The following ULK4 variants were observed in gnomAD, a reference collection of about 807,000 sequenced individuals.
ULK4 encodes the protein inactive serine/threonine-protein kinase ULK4.
In ULK4, 133 loss-of-function variants were observed where a neutral mutation model predicts 160.6. That is an observed-to-expected ratio of 0.83 (90% confidence interval 0.72 to 0.96). ULK4 has a LOEUF of 0.96. Ranked by LOEUF, ULK4 falls within the 40% of genes least tolerant of loss-of-function variation. The pLI is 0.00. For missense variants in ULK4, 1,580 were observed against 1,499.5 expected, an observed-to-expected ratio of 1.05 and a Z score of -0.89; for synonymous variants, 534 against 539.8, an observed-to-expected ratio of 0.99 and a Z score of 0.15.
chr3:41,686,851 A>T (rs954592705), intron 27 of ULK4, among the ~76,000 whole-genome samples: 11 of 152,188 alleles, frequency 7.2e-5, no homozygotes, highest in Admixed American at 5.2e-4. Flanking sequence ...TTTTTAAAAA[A>T]ATATTTTTAT....
In ULK4 at chr3:41,944,406, C is replaced by T. The variant is rs114745883; in HGVS notation, c.139-6209G>A. Among the ~76,000 whole-genome samples the T allele has an allele frequency of 6.8e-3, 1,030 of 152,244 alleles. 9 individuals are homozygous for T. Among genetic ancestry groups the T allele is most frequent in the African/African-American group, 0.024 (994 of 41,536 alleles). The stretch of plus-strand genomic sequence containing the variant: ...AGTGAGCTGAAATCATGCCACTGTA[C>T]TCCAGTCTGGGCTACAGAGTGAGAT... On this transcript the variant is annotated intron_variant, in intron 2 of 36. Coordinates refer to ENST00000301831, the MANE Select transcript of ULK4 (RefSeq NM_017886.4).
intron 31 of ULK4, among the ~76,000 whole-genome samples, chr3:41,593,240 C>G (rs1372761970): frequency 1.3e-5 from 2 of 152,158 alleles, no homozygotes; most frequent in African/African-American, 4.8e-5. Flanking sequence ...GCTGTCTAAA[C>G]AAGAGCTGAT....
chr3:41,661,747 A>C (rs1278684014), intron 30 of ULK4, among the ~76,000 whole-genome samples: 1 of 152,176 alleles, frequency 6.6e-6, no homozygotes, highest in African/African-American at 2.4e-5. Flanking sequence ...TACTTGTTCA[A>C]TCAAAACAAA....
At chr3:41,634,274 T>C (rs556932313) in intron 30 of ULK4, among the ~76,000 whole-genome samples, 2 of 152,292 alleles carry the variant, frequency 1.3e-5, no homozygotes, top group Non-Finnish European at 1.5e-5. Context: ...TGCCTGACCA[T>C]CACTCTGGCT....
chr3:41,595,395 G>C (rs954974705), intron 31 of ULK4, among the ~76,000 whole-genome samples: 1 of 152,238 alleles, frequency 6.6e-6, no homozygotes, highest in Admixed American at 6.5e-5. Context: ...TCGGGGCACT[G>C]AGCAGGGTAA....
intron 35 of ULK4, among the ~76,000 whole-genome samples, chr3:41,320,872 G>A (rs943665235): frequency 5.9e-5 from 9 of 152,140 alleles, no homozygotes; most frequent in African/African-American, 2.2e-4. Context: ...AGCCAAGATC[G>A]CGCCACTGCA....
chr3:41,691,191 C>T lies in ULK4; in HGVS notation c.2782-9387G>A, dbSNP rs759036220. The stretch of plus-strand genomic sequence containing the variant: ...TAAAGGAAGAACTGCCTCAAGTGAG[C>T]ATGTGTATAACTCCAGTAAACACAG... On this transcript the variant is annotated intron_variant, in intron 27 of 36. Coordinates refer to ENST00000301831, the MANE Select transcript of ULK4 (RefSeq NM_017886.4). Among the ~76,000 whole-genome samples, 27 of 151,834 alleles carry T rather than the reference C, an allele frequency of 1.8e-4. 1 individual carries two copies. The highest frequency in any genetic ancestry group is 3.4e-4 in the Non-Finnish European group (23 of 67,910).
At chr3:41,592,258 T>G (rs1235657027) in intron 31 of ULK4, among the ~76,000 whole-genome samples, 1 of 152,168 alleles carries the variant, frequency 6.6e-6, no homozygotes, top group Non-Finnish European at 1.5e-5. Context: ...TTTAGAGAGC[T>G]GAGTCAATTT....
chr3:41,863,285 G>A (rs548896202), intron 17 of ULK4, among the ~76,000 whole-genome samples: 1 of 152,248 alleles, frequency 6.6e-6, no homozygotes, highest in South Asian at 2.1e-4. Flanking sequence ...TAAGGCCCAA[G>A]GTCTCTTAAG....
chr3:41,689,642 A>C (rs916222009), intron 27 of ULK4, among the ~76,000 whole-genome samples: 3 of 152,378 alleles, frequency 2.0e-5, no homozygotes, highest in Middle Eastern at 3.4e-3. Flanking sequence ...ACATGAATAC[A>C]CACTTCTCAA....
At chr3:41,807,189 T>C (rs1416889834) in intron 19 of ULK4, among the ~76,000 whole-genome samples, 2 of 152,094 alleles carry the variant, frequency 1.3e-5, no homozygotes, top group African/African-American at 4.8e-5. Context: ...ATATATATGA[T>C]ACCTTAATTA....
At chr3:41,431,547 C>CATTTTT (rs563543377) in intron 34 of ULK4, among the ~76,000 whole-genome samples, 2 of 95,852 alleles carry the variant, frequency 2.1e-5, no homozygotes, top group African/African-American at 8.5e-5. Flanking sequence ...AATTCCCTCC[C>CATTTTT]TTTTTTTTTT....
At chr3:41,285,758 A>AAG (rs1472605861) in intron 35 of ULK4, among the ~76,000 whole-genome samples, 5 of 152,232 alleles carry the variant, frequency 3.3e-5, no homozygotes, top group African/African-American at 1.2e-4. Flanking sequence ...ACAAAATAAA[A>AAG]CAATGGCAAA....
chr3:41,588,659 A>T (rs2031013730), intron 31 of ULK4, among the ~76,000 whole-genome samples: 1 of 152,238 alleles, frequency 6.6e-6, no homozygotes, highest in African/African-American at 2.4e-5. Flanking sequence ...TCCCTAATGC[A>T]TAAAGCTTAT....
chr3:41,930,321 T>A (rs779271788), intron 5 of ULK4, among the ~76,000 whole-genome samples: 6 of 151,940 alleles, frequency 3.9e-5, no homozygotes, highest in Non-Finnish European at 8.8e-5. Context: ...TTCCTTATAC[T>A]CTATACAAAA....
intron 35 of ULK4, among the ~76,000 whole-genome samples, chr3:41,252,288 A>G (rs555184643): frequency 6.6e-6 from 1 of 152,218 alleles, no homozygotes; most frequent in Non-Finnish European, 1.5e-5. Context: ...GAAAAAAGAC[A>G]ATCAACAGAG....
chr3:41,703,834 G>GCACACACACACACACACACACA (rs35693704), intron 27 of ULK4, among the ~76,000 whole-genome samples: 1 of 129,260 alleles, frequency 7.7e-6, no homozygotes, highest in African/African-American at 3.7e-5. Flanking sequence ...TAATGCGCAT[G>GCACACACACACACACACACACA]CACACACACA....
chr3:41,319,196 T>G (rs1402412984), intron 35 of ULK4, among the ~76,000 whole-genome samples: 3 of 152,178 alleles, frequency 2.0e-5, no homozygotes, highest in Non-Finnish European at 4.4e-5. Context: ...GCTGCATTAT[T>G]CTGCCAGGTG....
intron 5 of ULK4, among the ~76,000 whole-genome samples, chr3:41,923,262 G>A (rs1350761906): frequency 6.6e-6 from 1 of 152,056 alleles, no homozygotes; most frequent in East Asian, 1.9e-4. Flanking sequence ...ACTTTGGGAG[G>A]CTGAGGTGGG....
Sources: allele counts gnomAD v4.1 joint callset (sites outside exome capture counted in the v4.1 genomes callset), GRCh38; gene constraint gnomAD v4.1.1; transcripts MANE v1.5; gene names NCBI Gene and HGNC (gene_info 2026-07-23, HGNC 2026-07-21).